Variants in GRIA3 observed in about 807,000 individuals in gnomAD.
GRIA3 encodes glutamate ionotropic receptor AMPA type subunit 3, also known as glutamate receptor 3.
Under a neutral mutation model 63.0 loss-of-function variants are expected in GRIA3, and 3 were observed. The ratio of observed to expected loss-of-function variants is 0.05; its 90% CI spans 0.02 to 0.12. The LOEUF is 0.12. GRIA3 is among the 10% of genes least tolerant of loss of function. The probability of loss-of-function intolerance (pLI) is 1.00; values close to 1 mark genes in which losing one functional copy is unlikely to be tolerated. For synonymous variants in GRIA3, 274 were observed against 257.9 expected, an observed-to-expected ratio of 1.06 and a Z score of -0.60; for missense variants, 347 against 700.9, an observed-to-expected ratio of 0.50 and a Z score of 5.70.
At chrX:123,274,594 G>A (rs2044543161) in intron 3 of GRIA3, among the ~76,000 whole-genome samples, 1 of 112,210 alleles carries the variant, frequency 8.9e-6, no homozygotes, top group African/African-American at 3.2e-5. Flanking sequence ...TTTGCTTTTT[G>A]ATAAATGAAA....
At chrX:123,360,599 G>A (rs1440965778) in intron 5 of GRIA3, among the ~76,000 whole-genome samples, 1 of 102,700 alleles carries the variant, frequency 9.7e-6, no homozygotes, top group Non-Finnish European at 2.0e-5. Flanking sequence ...GAGGGGCTGA[G>A]GCAGAAGAAT....
At chrX:123,266,561 C>T (rs938340937) in intron 3 of GRIA3, among the ~76,000 whole-genome samples, 1 of 111,118 alleles carries the variant, frequency 9.0e-6, no homozygotes, top group Non-Finnish European at 1.9e-5. Flanking sequence ...TAACTGATCT[C>T]CCTGATGTTA....
chrX:123,322,039 C>G (rs1460675332), intron 3 of GRIA3, among the ~76,000 whole-genome samples: 1 of 111,306 alleles, frequency 9.0e-6, no homozygotes, highest in African/African-American at 3.3e-5. Context: ...TGCAACTTTT[C>G]CAACAACTGA....
intron 2 of GRIA3, among the ~76,000 whole-genome samples, chrX:123,186,298 T>C (rs1927274126): frequency 9.1e-6 from 1 of 110,216 alleles, no homozygotes; most frequent in Non-Finnish European, 1.9e-5. Flanking sequence ...CTTTTTTTTT[T>C]AACTGGGGAA....
Position 123,490,531 on chromosome X carries a change from C to T in GRIA3, c.*1821C>T, listed in dbSNP as rs1465721634. ...CAACCAACCTACACACAAATGTTTT[C>T]ATAGGCACTGTATAAAGAAAAATGT... On this transcript the variant is annotated 3_prime_UTR_variant, in exon 16 of 16. Transcript: ENST00000620443. The T allele has an allele frequency of 1.8e-5, 2 of 112,617 alleles. No homozygotes were observed. The highest frequency in any genetic ancestry group is 6.5e-5 in the African/African-American group (2 of 30,883). The allele number at this position is 112,617 out of a possible 1,213,427, so 9.3% of individuals were successfully genotyped here.
chrX:123,187,875 T>C (rs1322617781), intron 2 of GRIA3, among the ~76,000 whole-genome samples: 1 of 111,427 alleles, frequency 9.0e-6, no homozygotes, highest in Admixed American at 9.5e-5. Context: ...AGGCAATAAG[T>C]CATCCATATT....
chrX:123,220,381 T>C lies in GRIA3; in HGVS notation c.269-32922T>C, dbSNP rs1443196539. Among the ~76,000 whole-genome samples, 4 of 112,367 alleles carry C rather than the reference T, an allele frequency of 3.6e-5. No homozygotes were observed. In the Admixed American group the frequency reaches 3.8e-4, roughly 11 times the overall value. ...TATAGATAGCTTGAAGAATTGCCTC[T>C]GAAGGGTGTTAATGAACATAGGTAA... On this transcript the variant is annotated intron_variant, in intron 2 of 15. Transcript: ENST00000620443.
intron 15 of GRIA3, among the ~76,000 whole-genome samples, chrX:123,487,869 T>C (rs2045949947): frequency 8.9e-6 from 1 of 112,375 alleles, no homozygotes; most frequent in Non-Finnish European, 1.9e-5. Context: ...GACATTCTTC[T>C]TACAGATACT....
At chrX:123,364,207 A>G (rs927345630) in intron 5 of GRIA3, among the ~76,000 whole-genome samples, 4 of 112,391 alleles carry the variant, frequency 3.6e-5, no homozygotes, top group African/African-American at 1.3e-4. Context: ...CAGAAATTCC[A>G]TAGCACAACA....
At chrX:123,280,887 T>C (rs988548009) in intron 3 of GRIA3, among the ~76,000 whole-genome samples, 1 of 111,615 alleles carries the variant, frequency 9.0e-6, no homozygotes, top group African/African-American at 3.3e-5. Flanking sequence ...AACTTTTCCA[T>C]ACATTTTCAC....
chrX:123,208,778 T>A (rs188316437), intron 2 of GRIA3, among the ~76,000 whole-genome samples: 1 of 112,168 alleles, frequency 8.9e-6, no homozygotes, highest in Non-Finnish European at 1.9e-5. Flanking sequence ...AAAGCTTGTG[T>A]ATATACAGGT....
At position 123,465,451 on chromosome X, in the gene GRIA3, T is replaced by C. The variant is rs1603172607; in HGVS notation, c.2324+339T>C. On this transcript the variant is annotated intron_variant, in intron 13 of 15. Coordinates refer to ENST00000620443, the MANE Select transcript of GRIA3 (RefSeq NM_007325.5). Reference sequence around the variant, plus strand: ...TGGATGTGGTGTTCTTGTTACTTTTTTTCTCAAAGACAATTTCCCCATCCC... The same window carrying C: ...TGGATGTGGTGTTCTTGTTACTTTTCTTCTCAAAGACAATTTCCCCATCCC... Among the ~76,000 whole-genome samples, 3 of 111,953 alleles carry C rather than the reference T, an allele frequency of 2.7e-5. No homozygotes were observed. In the Admixed American group the frequency reaches 2.8e-4, roughly 11 times the overall value.
chrX:123,353,496 A>C (rs891150081), intron 4 of GRIA3, among the ~76,000 whole-genome samples: 5 of 111,972 alleles, frequency 4.5e-5, no homozygotes, highest in Non-Finnish European at 9.4e-5. Flanking sequence ...CCGTGCCTGC[A>C]TATACTAGGC....
At chrX:123,357,596 A>G (rs754669195) in intron 5 of GRIA3, among the ~76,000 whole-genome samples, 77 of 109,437 alleles carry the variant, frequency 7.0e-4, no homozygotes, top group African/African-American at 2.5e-3. Context: ...ATCAGCTTTT[A>G]TTGCAATTTT....
chrX:123,311,014 A>G (rs985066151), intron 3 of GRIA3, among the ~76,000 whole-genome samples: 2 of 110,589 alleles, frequency 1.8e-5, no homozygotes, highest in South Asian at 3.9e-4. Context: ...AAAAAAAAAA[A>G]AAAGAAATTC....
intron 13 of GRIA3, among the ~76,000 whole-genome samples, chrX:123,471,298 T>C (rs1296842763): frequency 9.0e-6 from 1 of 111,599 alleles, no homozygotes; most frequent in Non-Finnish European, 1.9e-5. Context: ...TATTAAAGAA[T>C]AAATTCTACC....
chrX:123,356,353 C>T (rs746973260), intron 5 of GRIA3, among the ~76,000 whole-genome samples: 4 of 109,325 alleles, frequency 3.7e-5, no homozygotes, highest in Non-Finnish European at 7.6e-5. Context: ...ATCTCTTTCC[C>T]CTTTCCTTCT....
chrX:123,246,128 T>G (rs751145112), intron 2 of GRIA3, among the ~76,000 whole-genome samples: 2 of 111,793 alleles, frequency 1.8e-5, no homozygotes, highest in African/African-American at 3.3e-5. Flanking sequence ...ATTTCCAACC[T>G]TTTGGACTTA....
intron 3 of GRIA3, among the ~76,000 whole-genome samples, chrX:123,268,468 A>C (rs2044500908): frequency 9.2e-6 from 1 of 108,905 alleles, no homozygotes; most frequent in Non-Finnish European, 1.9e-5. Context: ...TGATAATATA[A>C]ATAATAATAT....
Sources: allele counts gnomAD v4.1 joint callset (sites outside exome capture counted in the v4.1 genomes callset), GRCh38; gene constraint gnomAD v4.1.1; transcripts MANE v1.5; gene names NCBI Gene and HGNC (gene_info 2026-07-23, HGNC 2026-07-21).